The following MALRD1 variants were observed in gnomAD, a reference collection of about 807,000 sequenced individuals.
MALRD1 encodes MAM and LDL receptor class A domain containing 1.
In MALRD1, 247 loss-of-function variants were observed where a neutral mutation model predicts 242.1. The observed-to-expected ratio is 1.02, with a 90% CI of 0.92 to 1.13. MALRD1 has a LOEUF of 1.13. Ranked by LOEUF, MALRD1 falls within the 50% of genes most tolerant of loss-of-function variation. MALRD1 has a pLI of 0.00. For missense variants in MALRD1, 2,989 were observed against 2,533.1 expected (o/e 1.18, Z -3.86); for synonymous variants, 995 against 866.6 (o/e 1.15, Z -2.60).
intron 19 of MALRD1, among the ~76,000 whole-genome samples, chr10:19,263,960 A>G (rs1442938597): frequency 6.6e-6 from 1 of 152,180 alleles, no homozygotes; most frequent in Non-Finnish European, 1.5e-5. Flanking sequence ...AGAGACAAAG[A>G]TTTGAGGATC....
chr10:19,106,239 T>A (rs1441761705), intron 5 of MALRD1, among the ~76,000 whole-genome samples: 1 of 151,836 alleles, frequency 6.6e-6, no homozygotes, highest in East Asian at 1.9e-4. Flanking sequence ...CTCTCACATA[T>A]GAGTGAGAGG....
At chr10:19,253,769 A>T (rs577702397) in intron 18 of MALRD1, among the ~76,000 whole-genome samples, 1 of 152,084 alleles carries the variant, frequency 6.6e-6, no homozygotes, top group East Asian at 1.9e-4. Context: ...GATATAGTCA[A>T]TCTCCTCCTT....
intron 33 of MALRD1, among the ~76,000 whole-genome samples, chr10:19,592,399 C>G (rs1178704075): frequency 6.6e-6 from 1 of 152,236 alleles, no homozygotes; most frequent in East Asian, 1.9e-4. Flanking sequence ...TTATCTCCAA[C>G]TCACCAGTCA....
At chr10:19,453,975 G>A (rs1341479030) in intron 29 of MALRD1, among the ~76,000 whole-genome samples, 2 of 152,276 alleles carry the variant, frequency 1.3e-5, no homozygotes, top group African/African-American at 2.4e-5. Context: ...AATTGCAAGA[G>A]GCTAAGCCCA....
chr10:19,169,754 A>C (rs548694898), intron 13 of MALRD1, among the ~76,000 whole-genome samples: 7 of 152,332 alleles, frequency 4.6e-5, no homozygotes, highest in African/African-American at 1.7e-4. Context: ...TAGTTAATCT[A>C]GCTTTTTAAA....
chr10:19,181,185 A>T (rs920631749), intron 14 of MALRD1, among the ~76,000 whole-genome samples: 1 of 152,204 alleles, frequency 6.6e-6, no homozygotes, highest in Admixed American at 6.5e-5. Context: ...AAACTACCCT[A>T]TGATTTAGCA....
intron 21 of MALRD1, among the ~76,000 whole-genome samples, chr10:19,304,312 C>T (rs1842075307): frequency 6.6e-6 from 1 of 151,118 alleles, no homozygotes; most frequent in South Asian, 2.1e-4. Context: ...AGCCGATTCC[C>T]ACAATGTCTG....
chr10:19,553,351 C>G (rs967331745), intron 32 of MALRD1, among the ~76,000 whole-genome samples: 4 of 151,930 alleles, frequency 2.6e-5, no homozygotes, highest in African/African-American at 7.3e-5. Flanking sequence ...TCATATATCT[C>G]ATGTTATCAA....
At chr10:19,503,523 T>A (rs763240104) in intron 31 of MALRD1, among the ~76,000 whole-genome samples, 5 of 152,202 alleles carry the variant, frequency 3.3e-5, no homozygotes, top group Non-Finnish European at 7.3e-5. Context: ...TACACATGAA[T>A]ACTGTTTAGA....
chr10:19,110,943 G>T (rs1836657215), intron 5 of MALRD1, among the ~76,000 whole-genome samples: 1 of 152,164 alleles, frequency 6.6e-6, no homozygotes, highest in Non-Finnish European at 1.5e-5. Context: ...TTAGGAATTG[G>T]TTGCTGCCAT....
chr10:19,349,298 AG>A (rs771788062), intron 25 of MALRD1, among the ~76,000 whole-genome samples: 30 of 152,154 alleles, frequency 2.0e-4, no homozygotes, highest in Non-Finnish European at 3.7e-4. Context: ...CACAACTGAC[AG>A]AGCCCTAACC....
chr10:19,328,525 G>A (rs1843231667), intron 23 of MALRD1, among the ~76,000 whole-genome samples: 1 of 152,084 alleles, frequency 6.6e-6, no homozygotes, highest in Admixed American at 6.6e-5. Flanking sequence ...TCTTCCATGT[G>A]CAGCTGGGGT....
chr10:19,129,579 G>T (rs968512334), intron 8 of MALRD1, among the ~76,000 whole-genome samples: 1 of 151,990 alleles, frequency 6.6e-6, no homozygotes, highest in African/African-American at 2.4e-5. Context: ...AGGTGGGGCT[G>T]AAAGTTCCAA....
At chr10:19,694,167 C>G (rs1297427837) in intron 38 of MALRD1, among the ~76,000 whole-genome samples, 3 of 152,172 alleles carry the variant, frequency 2.0e-5, no homozygotes, top group African/African-American at 2.4e-5. Flanking sequence ...TAGGCATGGG[C>G]AAGGACTTCA....
At chr10:19,525,525 A>G (rs2358415) in intron 31 of MALRD1, among the ~76,000 whole-genome samples, 102,390 of 152,050 alleles carry the variant, frequency 0.67, 36,158 homozygotes, top group Non-Finnish European at 0.76. Flanking sequence ...AGCAGCTACA[A>G]TTTTCAAAAA....
intron 36 of MALRD1, among the ~76,000 whole-genome samples, chr10:19,634,891 C>T (rs1840062189): frequency 6.6e-6 from 1 of 152,100 alleles, no homozygotes; most frequent in Non-Finnish European, 1.5e-5. Context: ...AAAAGTGCTT[C>T]CAGGTTGGTG....
At chr10:19,657,397 C>T (rs920503972) in intron 36 of MALRD1, among the ~76,000 whole-genome samples, 1 of 152,068 alleles carries the variant, frequency 6.6e-6, no homozygotes, top group East Asian at 1.9e-4. Flanking sequence ...CCAGAAGAAC[C>T]CAGGAAGAAC....
chr10:19,217,434 T>TGAAG lies in MALRD1; in HGVS notation c.2991+7754_2991+7755insGAAG, dbSNP rs546215629. On this transcript the variant is annotated intron_variant, in intron 18 of 39. Coordinates refer to ENST00000454679, the MANE Select transcript of MALRD1 (RefSeq NM_001142308.3). ...GATTCAGGTTAGTTTTTTACTTCAC[T>TGAAG]TTCTTTTCCTGAAGCTTATACTCAC... Among the ~76,000 whole-genome samples the TGAAG allele has an allele frequency of 2.8e-3, 420 of 152,292 alleles. 1 individual carries two copies. The highest frequency in any genetic ancestry group is 9.8e-3 in the African/African-American group (407 of 41,560).
intron 14 of MALRD1, among the ~76,000 whole-genome samples, chr10:19,198,881 A>G (rs554764250): frequency 6.6e-6 from 1 of 152,328 alleles, no homozygotes; most frequent in African/African-American, 2.4e-5. Flanking sequence ...ATTTTAAATA[A>G]TTAATGACTA....
Sources: gnomAD v4.1 joint callset for allele counts (sites outside exome capture counted in the v4.1 genomes callset) on GRCh38, gnomAD v4.1.1 for gene constraint, MANE v1.5 for transcripts, NCBI Gene and HGNC (gene_info 2026-07-23, HGNC 2026-07-21) for gene names.